The following INO80 variants were observed in gnomAD, a reference collection of about 807,000 sequenced individuals.
INO80 encodes the protein INO80 complex ATPase subunit.
INO80 carries 20 observed loss-of-function variants against 203.4 expected under a neutral mutation model. The observed-to-expected ratio is 0.10, with a 90% CI of 0.07 to 0.14. INO80 has a LOEUF of 0.14. Among genes scored for constraint, INO80 ranks in the 10% least tolerant of loss-of-function variants. INO80 has a pLI of 1.00. For missense variants in INO80, 1,419 were observed against 1,914.4 expected, an observed-to-expected ratio of 0.74 and a Z score of 4.83; for synonymous variants, 726 against 685.2, an observed-to-expected ratio of 1.06 and a Z score of -0.93.
chr15:41,035,821 CAAAA>C (rs71104768), intron 24 of INO80, among the ~76,000 whole-genome samples: 30 of 20,148 alleles, frequency 1.5e-3, no homozygotes, highest in East Asian at 1.8e-3. Flanking sequence ...GACTCTGTCT[CAAAA>C]AAAAAAAAAA....
chr15:40,980,657 A>C lies in INO80; in HGVS notation c.4454-217T>G, dbSNP rs116924940. ...AGATTTTTAAGAGAAAATGATACCT[A>C]CCCAACCCTCTCTATACTACTTCAT... On this transcript the variant is annotated intron_variant, in intron 35 of 35. Transcript: ENST00000648947. Among the ~76,000 whole-genome samples, 1,307 of 152,258 alleles carry C rather than the reference A, an allele frequency of 8.6e-3. 14 individuals carry two copies. The highest frequency in any genetic ancestry group is 0.015 in the Non-Finnish European group (991 of 68,008).
rs554988378 is a variant in INO80, at chr15:41,058,093, T to A, written c.1985+546A>T. On this transcript the variant is annotated intron_variant, in intron 16 of 35. Transcript: ENST00000648947. ...TAATCAACATAAAACAAACAGAGCATCCAATCCACATAACCTAACATTCTA... is the reference window on the plus strand; with the variant it reads ...TAATCAACATAAAACAAACAGAGCAACCAATCCACATAACCTAACATTCTA... Among the ~76,000 whole-genome samples the A allele has an allele frequency of 2.0e-5, 3 of 152,200 alleles. No individual in the cohort carries two copies. The South Asian group carries it at 6.2e-4, about 32-fold the overall frequency.
Position 41,081,013 on chromosome 15 carries a change from A to C in INO80, c.927+7T>G. 6.3e-7 allele frequency: 1 copy of C among 1,579,586 alleles called. No individual in the cohort carries two copies. Among genetic ancestry groups the C allele is most frequent in the Non-Finnish European group, 8.7e-7 (1 of 1,149,736 alleles). ...ATGAAATGGAAAATACAAAACTACA[A>C]TTTTACCTTTCGGCTATTGGTGAGA... On this transcript the variant is annotated splice_region_variant and intron_variant, in intron 8 of 35. Coordinates refer to ENST00000648947, the MANE Select transcript of INO80 (RefSeq NM_017553.3).
chr15:41,084,799 G>A (rs2045535573), intron 7 of INO80, among the ~76,000 whole-genome samples: 1 of 152,132 alleles, frequency 6.6e-6, no homozygotes, highest in Admixed American at 6.6e-5. Context: ...GAGTGCAGTG[G>A]TGCGATCTCA....
rs138643129 is a variant in INO80, at chr15:41,033,766, C to T, written c.2908-6030G>A. 6.2e-4 allele frequency among the ~76,000 whole-genome samples: 94 copies of T among 152,202 alleles called. No individual in the cohort carries two copies. The East Asian group carries it at 0.018, about 28-fold the overall frequency. On this transcript the variant is annotated intron_variant, in intron 24 of 35. Transcript: ENST00000648947. ...TAAGAGATTTTTTAAAAACCCCAAA[C>T]TTAGGCCAGGCGCAGTGGCTCACGC...
intron 5 of INO80, among the ~76,000 whole-genome samples, chr15:41,091,249 G>C (rs936686761): frequency 1.3e-5 from 2 of 151,434 alleles, no homozygotes; most frequent in East Asian, 3.9e-4. Flanking sequence ...TAGTAGAGAT[G>C]GAGTTTCACC....
chr15:41,083,096 T>G (rs752027203), intron 7 of INO80, among the ~76,000 whole-genome samples: 2 of 151,530 alleles, frequency 1.3e-5, no homozygotes, highest in Non-Finnish European at 2.9e-5. Flanking sequence ...GCCTGGCTAA[T>G]AGGGTGAAAC....
intron 5 of INO80, among the ~76,000 whole-genome samples, chr15:41,089,583 A>C (rs1051021280): frequency 1.3e-5 from 2 of 152,336 alleles, no homozygotes; most frequent in East Asian, 3.9e-4. Flanking sequence ...ATCTCTACTA[A>C]AAATACAAAA....
At chr15:40,980,907 T>C (rs1286858069) in intron 35 of INO80, among the ~76,000 whole-genome samples, 1 of 152,208 alleles carries the variant, frequency 6.6e-6, no homozygotes, top group Admixed American at 6.5e-5. Flanking sequence ...GCCCACTCTC[T>C]ATCCTGTGTC....
In INO80 at chr15:40,984,168, G is replaced by A. The variant is rs756988623; in HGVS notation, c.4077+29C>T. The A allele has an allele frequency of 1.2e-5, 20 of 1,609,300 alleles. No homozygotes were observed. The Admixed American group carries it at 2.5e-4, about 20-fold the overall frequency. ...CACGGTCAGGACACTCCTTACGGCTGTGATGCAGGCATCTAAAAGGAGCCT... is the reference window on the plus strand; with the variant it reads ...CACGGTCAGGACACTCCTTACGGCTATGATGCAGGCATCTAAAAGGAGCCT... On this transcript the variant is annotated intron_variant, in intron 33 of 35. Transcript: ENST00000648947.
chr15:41,005,659 T>G lies in INO80; in HGVS notation c.3431A>C (p.Tyr1144Ser). 6.2e-7 allele frequency: 1 copy of G among 1,607,382 alleles called. No homozygotes were observed. Among genetic ancestry groups the G allele is most frequent in the Non-Finnish European group, 8.5e-7 (1 of 1,174,178 alleles). Residue 1144 changes from tyrosine (Y) to serine (S), a missense_variant, in exon 28 of 36, where the codon TAC becomes TCC. Tyr to Ser is a moderately radical substitution (Grantham distance 144). Coordinates refer to ENST00000648947, the MANE Select transcript of INO80 (RefSeq NM_017553.3). ...EEYMVYRKHT[Y>S]MRLDGSSKIS... ...CTTGGATGAGCCATCAAGCCTCATG[T>G]AGGTATGCTTCCTGTAAACCATGTA... is the stretch of plus-strand genomic sequence containing the variant.
intron 24 of INO80, among the ~76,000 whole-genome samples, chr15:41,038,011 C>CTT (rs748525965): frequency 0.016 from 1,394 of 89,784 alleles, 71 homozygotes; most frequent in African/African-American, 0.025. Context: ...CTTCCCTTTT[C>CTT]TTTTTTTTTT....
chr15:40,994,613 C>G (rs1380086332), intron 29 of INO80, among the ~76,000 whole-genome samples: 1 of 152,136 alleles, frequency 6.6e-6, no homozygotes, highest in Non-Finnish European at 1.5e-5. Flanking sequence ...GATCCGCCTG[C>G]CTCTGCCTCC....
intron 7 of INO80, among the ~76,000 whole-genome samples, chr15:41,081,942 A>G (rs2045490577): frequency 6.6e-6 from 1 of 152,112 alleles, no homozygotes; most frequent in Non-Finnish European, 1.5e-5. Flanking sequence ...GGAACCTCAA[A>G]TATTCCCACT....
intron 31 of INO80, among the ~76,000 whole-genome samples, chr15:40,985,639 G>A (rs2043721478): frequency 1.3e-5 from 2 of 152,126 alleles, no homozygotes; most frequent in South Asian, 2.1e-4. Context: ...GCTCGGTGTG[G>A]TGACTCACGT....
intron 28 of INO80, among the ~76,000 whole-genome samples, chr15:41,004,285 T>C (rs2044005248): frequency 8.2e-6 from 1 of 121,876 alleles, no homozygotes; most frequent in Admixed American, 9.0e-5. Context: ...GGAAAAATTC[T>C]TTAAACAGAG....
At chr15:41,093,262 T>C (rs1355541619) in intron 4 of INO80, among the ~76,000 whole-genome samples, 1 of 151,656 alleles carries the variant, frequency 6.6e-6, no homozygotes, top group Non-Finnish European at 1.5e-5. Context: ...CTGTCTCTAC[T>C]AAAAATACAA....
chr15:41,062,593 C>T lies in INO80; in HGVS notation c.1783-2667G>A, dbSNP rs562247075. ...CTAGTGCTATGGTTTGAACATCTCT[C>T]TCGAGGTTTATGTGCTGGAAACTTA... On this transcript the variant is annotated intron_variant, in intron 14 of 35. Coordinates refer to ENST00000648947, the MANE Select transcript of INO80 (RefSeq NM_017553.3). Among the ~76,000 whole-genome samples, 8 of 152,296 alleles carry T rather than the reference C, an allele frequency of 5.3e-5. No homozygotes were observed. In the South Asian group the frequency reaches 1.7e-3, roughly 32 times the overall value.
Position 41,070,455 on chromosome 15 carries a change from G to T in INO80, c.1686+12C>A. The T allele has an allele frequency of 1.2e-6, 2 of 1,605,710 alleles. No homozygotes were observed. Among genetic ancestry groups the T allele is most frequent in the Non-Finnish European group, 1.7e-6 (2 of 1,172,804 alleles). On this transcript the variant is annotated intron_variant, in intron 13 of 35. Transcript: ENST00000648947. ...CTAGAGAAATGAAGATAGAAAGATTGCATCTACCCACCTCAGCCAGATGGG... is the reference window on the plus strand; with the variant it reads ...CTAGAGAAATGAAGATAGAAAGATTTCATCTACCCACCTCAGCCAGATGGG...
Sources: gnomAD v4.1 joint callset for allele counts (sites outside exome capture counted in the v4.1 genomes callset) on GRCh38, gnomAD v4.1.1 for gene constraint, MANE v1.5 for transcripts, NCBI Gene and HGNC (gene_info 2026-07-23, HGNC 2026-07-21) for gene names.